The following ZNF273 variants were observed in gnomAD, a reference collection of about 807,000 sequenced individuals.
ZNF273 encodes the protein zinc finger protein 9.
ZNF273 carries 11 observed loss-of-function variants against 14.9 expected under a neutral mutation model. That is an observed-to-expected ratio of 0.74 (90% CI 0.46 to 1.22). The LOEUF is 1.22. Ranked by LOEUF, ZNF273 falls within the 50% of genes most tolerant of loss-of-function variation. The probability of loss-of-function intolerance (pLI) is 0.00; values close to 1 mark genes in which losing one functional copy is unlikely to be tolerated. For synonymous variants in ZNF273, 199 were observed against 223.9 expected (o/e 0.89, Z 0.99); for missense variants, 577 against 660.6 (o/e 0.87, Z 1.39).
At chr7:64,923,340 T>C (rs927725495) in intron 3 of ZNF273, 8 of 455,410 alleles carry the variant, frequency 1.8e-5, no homozygotes, top group African/African-American at 1.4e-4. Context: ...TGTGTGTGTG[T>C]TTTTTTATTT....
intron 1 of ZNF273, among the ~76,000 whole-genome samples, chr7:64,912,139 AAT>A (rs1793559123): frequency 6.6e-6 from 1 of 152,118 alleles, no homozygotes; most frequent in Non-Finnish European, 1.5e-5. Context: ...TTCTAATTTT[AAT>A]AGAGTCGACG....
At chr7:64,932,472 A>T (rs1795009925), downstream of ZNF273, among the ~76,000 whole-genome samples, 1 of 151,906 alleles carries the variant, frequency 6.6e-6, no homozygotes, top group Non-Finnish European at 1.5e-5. Context: ...ACGCCTGGCT[A>T]ATTTTGTATT....
At chr7:64,927,586 G>C in intron 3 of ZNF273, 68 bp from the exon 4 acceptor site, 1 of 1,349,392 alleles carries the variant, frequency 7.4e-7, no homozygotes, top group Non-Finnish European at 1.0e-6. Context: ...ATTTTTATAG[G>C]TTAGATTTGT....
chr7:64,889,137 C>A (rs192655952), downstream of ZNF273: 5 of 985,934 alleles, frequency 5.1e-6, no homozygotes, highest in Non-Finnish European at 6.0e-6. The surrounding 1 kb of genome is among the most constrained non-coding windows in gnomAD (Gnocchi z 4.2). Flanking sequence ...GGCCTCGTTG[C>A]GGAGGGGACG....
downstream of ZNF273, among the ~76,000 whole-genome samples, chr7:64,894,852 G>A (rs182276384): frequency 2.0e-3 from 298 of 152,152 alleles, 1 homozygote; most frequent in African/African-American, 6.4e-3. Context: ...AGATCGGGCC[G>A]GGCACGGTGG....
intron 3 of ZNF273, among the ~76,000 whole-genome samples, chr7:64,922,796 C>T (rs1348227789): frequency 6.6e-6 from 1 of 151,932 alleles, no homozygotes; most frequent in Non-Finnish European, 1.5e-5. Flanking sequence ...GAAACCCTGT[C>T]TCTACTAAAA....
intron 3 of ZNF273, 43 bp downstream of exon 3, chr7:64,918,335 C>T: frequency 6.7e-7 from 1 of 1,498,900 alleles, no homozygotes; most frequent in Middle Eastern, 1.8e-4. Flanking sequence ...ACACAGATGA[C>T]AGGTCTAAAG....
chr7:64,906,166 A>T (rs565840526), intron 1 of ZNF273, among the ~76,000 whole-genome samples: 1 of 152,210 alleles, frequency 6.6e-6, no homozygotes, highest in Non-Finnish European at 1.5e-5. Context: ...TATGTAGTAG[A>T]TAATTGGTGA....
In ZNF273 at chr7:64,878,794, C is replaced by A. The variant is rs142163459; in HGVS notation, n.330+299C>A. On this transcript the variant is annotated intron_variant and non_coding_transcript_variant, in intron 2 of 2. Transcript: ENST00000465954. ...ACTTTAACTTCCACTCTGGACTTCC[C>A]TTTTCCTGACTTCTATGCTTCTCCT... 1.5e-3 allele frequency among the ~76,000 whole-genome samples: 231 copies of A among 152,320 alleles called. 1 individual carries two copies. Among genetic ancestry groups the A allele is most frequent in the Non-Finnish European group, 2.9e-3 (194 of 68,026 alleles).
At chr7:64,881,081 C>T (rs1463202292), downstream of ZNF273, among the ~76,000 whole-genome samples, 4 of 152,204 alleles carry the variant, frequency 2.6e-5, no homozygotes, top group Non-Finnish European at 4.4e-5. Flanking sequence ...AATCCACCCC[C>T]GCATTCCCTT....
At chr7:64,884,844 G>A (rs989831010) in intron 1 of ZNF273, among the ~76,000 whole-genome samples, 1 of 152,192 alleles carries the variant, frequency 6.6e-6, no homozygotes, top group African/African-American at 2.4e-5. Context: ...GAGACGGCCC[G>A]AGGATGCCCT....
upstream of ZNF273, among the ~76,000 whole-genome samples, chr7:64,900,160 T>C (rs866515705): frequency 2.0e-4 from 30 of 151,546 alleles, no homozygotes; most frequent in African/African-American, 6.5e-4. Flanking sequence ...CAAGTCTCGC[T>C]CTGTCACCCA....
downstream of ZNF273, chr7:64,889,500 T>C (rs549102800): frequency 1.0e-6 from 1 of 985,898 alleles, no homozygotes; most frequent in East Asian, 1.1e-4. This position sits in a 1 kb window ranked among gnomAD's most constrained non-coding sequence, Gnocchi z 4.2. Flanking sequence ...CGGTTTCTTC[T>C]AGGTCGCCCT....
In ZNF273 at chr7:64,928,251, A is replaced by T. The variant is rs145707007; in HGVS notation, c.923A>T (p.His308Leu). Residue 308 changes from histidine (H) to leucine (L), a missense_variant, in exon 4 of 4, where the codon CAT becomes CTT. His to Leu is a moderately conservative substitution (Grantham distance 99). Transcript: ENST00000476120. ...VFSVFSVLTKHKIIHTGTKPY... is the reference protein window; with the variant it reads ...VFSVFSVLTKLKIIHTGTKPY... ...AGTGTATTTTCAGTCCTTACTAAAC[A>T]TAAGATAATTCATACAGGAACAAAA... The T allele has an allele frequency of 2.5e-6, 4 of 1,612,912 alleles. No homozygotes were observed. In the African/African-American group the frequency reaches 5.3e-5, roughly 22 times the overall value.
At chr7:64,903,256 G>A (rs1166125216), upstream of ZNF273, 9 of 1,394,520 alleles carry the variant, frequency 6.5e-6, no homozygotes, top group South Asian at 7.0e-5. Context: ...CGGCTTCCGG[G>A]ATTTGGCGGG....
downstream of ZNF273, chr7:64,889,904 C>T (rs937092080): frequency 9.7e-6 from 3 of 308,204 alleles, no homozygotes; most frequent in African/African-American, 2.3e-5. The surrounding 1 kb of genome is among the most constrained non-coding windows in gnomAD (Gnocchi z 4.2). Context: ...AGACCAAGCC[C>T]CCACGCCCTC....
rs746111257 is a variant in ZNF273, at chr7:64,927,919, G to A, written c.591G>A (p.Lys197=). 9.3e-6 allele frequency: 15 copies of A among 1,613,266 alleles called. No individual in the cohort carries two copies. In the African/African-American group the frequency reaches 1.6e-4, roughly 17 times the overall value. The part of the protein sequence containing the change: ...LHKFSNSNIH[K]KRQTGKKPFK... ...AATTCTCAAATTCAAATATACATAA[G>A]AAAAGACAAACTGGAAAGAAACCTT... The change falls in exon 4 of 4, where the codon AAG becomes AAA. Residue 197 remains lysine, a synonymous_variant. Coordinates refer to ENST00000476120, the MANE Select transcript of ZNF273 (RefSeq NM_021148.3).
chr7:64,915,180 C>T (rs1315323379), intron 1 of ZNF273, among the ~76,000 whole-genome samples: 2 of 142,278 alleles, frequency 1.4e-5, no homozygotes, highest in South Asian at 4.5e-4. Context: ...GCAGAATTCT[C>T]ACATGACTTT....
intron 3 of ZNF273, among the ~76,000 whole-genome samples, chr7:64,920,667 CCGAATGAGGG>C (rs1427960362): frequency 6.6e-6 from 1 of 152,088 alleles, no homozygotes; most frequent in East Asian, 1.9e-4. Context: ...AGTTTGCCTC[CCGAATGAGGG>C]CCTGCCTCCT....
Sources: gnomAD v4.1 joint callset for allele counts (sites outside exome capture counted in the v4.1 genomes callset) on GRCh38, gnomAD v4.1.1 for gene constraint, Gnocchi (gnomAD v3.1) non-coding constraint, MANE v1.5 for transcripts, NCBI Gene and HGNC (gene_info 2026-07-23, HGNC 2026-07-21) for gene names.